Variants in C2CD5 observed in about 807,000 individuals in gnomAD.
C2CD5 encodes C2 calcium dependent domain containing 5.
A neutral mutation model predicts 130.3 loss-of-function variants in C2CD5; 109 were observed. The observed-to-expected ratio is 0.84, with a 90% CI of 0.72 to 0.98. The LOEUF is 0.98. Ranked by LOEUF, C2CD5 falls within the 50% of genes least tolerant of loss-of-function variation. The pLI, the probability that C2CD5 is intolerant of heterozygous loss-of-function variation, is 0.00. For missense variants in C2CD5, 996 were observed against 1,261.8 expected (o/e 0.79, Z 3.19); for synonymous variants, 454 against 429.2 (o/e 1.06, Z -0.71).
In C2CD5 at chr12:22,467,934, C is replaced by T. The variant is rs550412338; in HGVS notation, c.2533+1775G>A. On this transcript the variant is annotated intron_variant, in intron 22 of 26. Coordinates refer to ENST00000446597, the MANE Select transcript of C2CD5 (RefSeq NM_001286176.2). ...TTATAGACAAGGCAAACTTAGAGAG[C>T]TGAAATCTAATCTTCTGCAGAATTC... 2.9e-3 allele frequency among the ~76,000 whole-genome samples: 443 copies of T among 152,222 alleles called. 1 individual carries two copies. Among genetic ancestry groups the T allele is most frequent in the African/African-American group, 0.01 (429 of 41,530 alleles).
intron 3 of C2CD5, among the ~76,000 whole-genome samples, chr12:22,530,355 A>G (rs1951160061): frequency 1.3e-5 from 2 of 151,406 alleles, no homozygotes; most frequent in South Asian, 2.1e-4. Context: ...CAGGGTTAAA[A>G]AAAGTACTAC....
At chr12:22,519,180 T>C in intron 7 of C2CD5, 2 of 1,535,720 alleles carry the variant, frequency 1.3e-6, no homozygotes, top group Non-Finnish European at 1.7e-6. Context: ...AGTAGCAGTG[T>C]GAATTGGGCT....
Position 22,472,042 on chromosome 12 carries a change from G to C in C2CD5, c.2193C>G (p.Ile731Met). ...TAGTCAGGTTGAGGCTGCTTAATCT[G>C]ATTACTCTTACTGAAGTGAACATCT... is the stretch of plus-strand genomic sequence containing the variant. The part of the protein sequence containing the change: ...EIQMFTSVRV[I>M]RLSSLNLTNQ... Residue 731 changes from isoleucine to methionine, a missense_variant, in exon 19 of 27, where the codon ATC becomes ATG. Ile to Met is a conservative substitution (Grantham distance 10, BLOSUM62 1). Around this residue, in one of 9 missense-constraint regions of C2CD5, gnomAD observed 590 missense variants for 631.4 expected, o/e 0.93. Coordinates refer to ENST00000446597, the MANE Select transcript of C2CD5 (RefSeq NM_001286176.2). 6.3e-7 allele frequency: 1 copy of C among 1,590,888 alleles called. No homozygotes were observed. Among genetic ancestry groups the C allele is most frequent in the Non-Finnish European group, 8.6e-7 (1 of 1,162,820 alleles).
chr12:22,485,307 G>A (rs1324055402), intron 12 of C2CD5, among the ~76,000 whole-genome samples: 1 of 152,022 alleles, frequency 6.6e-6, no homozygotes, highest in Admixed American at 6.6e-5. Flanking sequence ...CAGAGGCTGG[G>A]AAGGGTAGTG....
At chr12:22,470,104 T>C (rs1387813874) in intron 21 of C2CD5, among the ~76,000 whole-genome samples, 2 of 152,138 alleles carry the variant, frequency 1.3e-5, no homozygotes, top group African/African-American at 2.4e-5. Flanking sequence ...TGTCCATTAC[T>C]AGCTTTTGTG....
In C2CD5 at chr12:22,493,310, C is replaced by T; in HGVS notation, c.1175G>A (p.Trp392Ter). The change falls in exon 11 of 27, where the codon TGG becomes TAG. Residue 392 changes from tryptophan to a stop codon, truncating the protein, a stop_gained. Coordinates refer to ENST00000446597, the MANE Select transcript of C2CD5 (RefSeq NM_001286176.2). LOFTEE classifies it high-confidence loss of function. ...TTTTATTTCTTGTCTGATTTCTGCC[C>T]ACCATGCATCTCGAGTTTCTGGTTC... ...PDEPETRDAW[W>*]AEIRQEIKSH... 1 of 1,610,510 alleles carries T rather than the reference C, an allele frequency of 6.2e-7. No individual in the cohort carries two copies. The highest frequency in any genetic ancestry group is 8.5e-7 in the Non-Finnish European group (1 of 1,177,984).
rs1460918305 is a variant in C2CD5 at position 22,490,194 on chromosome 12, T to C, written c.1287A>G (p.Ala429=). 2 of 1,613,492 alleles carry C rather than the reference T, an allele frequency of 1.2e-6. No homozygotes were observed. Among genetic ancestry groups the C allele is most frequent in the Non-Finnish European group, 1.7e-6 (2 of 1,179,530 alleles). The change falls in exon 12 of 27, where the codon GCA becomes GCG. Residue 429 remains alanine, a synonymous_variant. Transcript: ENST00000446597. Reference sequence around the variant, plus strand: ...GATTCAGTACAGCCGCTGTGCCAGATGCAGATAAAATGCAGACCTCTTCAC... The same window carrying C: ...GATTCAGTACAGCCGCTGTGCCAGACGCAGATAAAATGCAGACCTCTTCAC... ...SICEEVCILS[A]SGTAAVLNPR...
At chr12:22,504,856 C>T (rs955519762) in intron 10 of C2CD5, among the ~76,000 whole-genome samples, 1 of 152,146 alleles carries the variant, frequency 6.6e-6, no homozygotes, top group South Asian at 2.1e-4. Context: ...CTTCAAGATC[C>T]CAATACATTA....
intron 10 of C2CD5, among the ~76,000 whole-genome samples, chr12:22,504,994 A>G (rs1030130270): frequency 2.0e-5 from 3 of 152,118 alleles, no homozygotes; most frequent in African/African-American, 7.2e-5. Context: ...AAAAAGAGAA[A>G]ACCAGTGCTT....
chr12:22,520,827 A>G (rs180808460), intron 7 of C2CD5, among the ~76,000 whole-genome samples: 1 of 152,270 alleles, frequency 6.6e-6, no homozygotes, highest in Admixed American at 6.5e-5. Context: ...GCATGACACT[A>G]AACATCAAAA....
At chr12:22,465,600 AT>A (rs533162971) in intron 22 of C2CD5, among the ~76,000 whole-genome samples, 71 of 151,930 alleles carry the variant, frequency 4.7e-4, no homozygotes, top group South Asian at 4.0e-3. Context: ...AATCTCGCTG[AT>A]TTTTTTTACT....
In C2CD5 at chr12:22,448,877, ACT is replaced by A. The variant is rs1322953384; in HGVS notation, c.*881_*882del. 6.6e-6 allele frequency: 1 copy of A among 152,564 alleles called. No individual in the cohort carries two copies. Among genetic ancestry groups the A allele is most frequent in the Admixed American group, 6.6e-5 (1 of 15,258 alleles). 9.5% of individuals were successfully genotyped at this position (152,564 alleles called of 1,614,324 possible). On this transcript the variant is annotated 3_prime_UTR_variant, in exon 27 of 27. Transcript: ENST00000446597. ...CAAATTCTATGCCAAATACAGTCTA[ACT>A]CACCATCAACAATCCCTCAGATATT...
rs148816344 is a variant in C2CD5 at position 22,480,962 on chromosome 12, G to C, written c.1737+1595C>G. Reference sequence around the variant, plus strand: ...TGGGACTACAGGCACAAGCAGCCACGCCTGGGTAATTTTTGTATTTTTAGT... The same window carrying C: ...TGGGACTACAGGCACAAGCAGCCACCCCTGGGTAATTTTTGTATTTTTAGT... On this transcript the variant is annotated intron_variant, in intron 14 of 26. Coordinates refer to ENST00000446597, the MANE Select transcript of C2CD5 (RefSeq NM_001286176.2). Among the ~76,000 whole-genome samples the C allele has an allele frequency of 9.4e-3, 1,431 of 152,086 alleles. 23 individuals carry two copies. The highest frequency in any genetic ancestry group is 0.033 in the African/African-American group (1,366 of 41,494).
At chr12:22,523,398 A>G in intron 7 of C2CD5, 28 bp downstream of exon 7, 1 of 1,565,976 alleles carries the variant, frequency 6.4e-7, no homozygotes, top group Non-Finnish European at 8.8e-7. Flanking sequence ...AAATCTTAGC[A>G]AGAACAATTT....
chr12:22,471,203 G>A (rs941928307), intron 20 of C2CD5, among the ~76,000 whole-genome samples, 196 bp downstream of exon 20: 7 of 151,974 alleles, frequency 4.6e-5, no homozygotes, highest in African/African-American at 7.2e-5. Flanking sequence ...TGAAGCATAC[G>A]TGTGCTTACC....
At chr12:22,537,745 A>T (rs1951963890) in intron 2 of C2CD5, among the ~76,000 whole-genome samples, 1 of 152,216 alleles carries the variant, frequency 6.6e-6, no homozygotes, top group African/African-American at 2.4e-5. Context: ...GTAGAGACCT[A>T]GCAAAATGTC....
At chr12:22,480,977 G>T (rs369092352) in intron 14 of C2CD5, among the ~76,000 whole-genome samples, 1 of 151,902 alleles carries the variant, frequency 6.6e-6, no homozygotes, top group South Asian at 2.1e-4. Context: ...GGTAATTTTT[G>T]TATTTTTAGT....
chr12:22,528,112 C>T (rs1040501964), intron 3 of C2CD5, among the ~76,000 whole-genome samples: 1 of 152,150 alleles, frequency 6.6e-6, no homozygotes, highest in African/African-American at 2.4e-5. Context: ...TCTCTCAGCA[C>T]AAGACTGGGA....
chr12:22,508,976 A>C (rs1591909183), intron 9 of C2CD5, among the ~76,000 whole-genome samples: 1 of 150,584 alleles, frequency 6.6e-6, no homozygotes. Flanking sequence ...TCCCGGGTTC[A>C]CGCCATTCTC....
Sources: gnomAD v4.1 joint callset for allele counts (sites outside exome capture counted in the v4.1 genomes callset) on GRCh38, gnomAD v4.1.1 for gene constraint, gnomAD v4.1.1 regional missense constraint, MANE v1.5 for transcripts, NCBI Gene and HGNC (gene_info 2026-07-23, HGNC 2026-07-21) for gene names.